The following DPP10 variants were observed in gnomAD, a reference collection of about 807,000 sequenced individuals.
The protein encoded by DPP10 is dipeptidyl peptidase like 10.
In DPP10, 33 loss-of-function variants were observed where a neutral mutation model predicts 120.9. The observed-to-expected ratio is 0.27, with a 90% CI of 0.21 to 0.37. The LOEUF (loss-of-function observed/expected upper bound fraction) is 0.37, where lower values mean the gene tolerates loss of function less well. Among genes scored for constraint, DPP10 ranks in the 10% least tolerant of loss-of-function variants. DPP10 has a pLI of 1.00. For synonymous variants in DPP10, 337 were observed against 326.1 expected (o/e 1.03, Z -0.36); for missense variants, 816 against 942.8 (o/e 0.87, Z 1.76).
chr2:114,878,378 C>A (rs1424769087), intron 1 of DPP10, among the ~76,000 whole-genome samples: 1 of 152,004 alleles, frequency 6.6e-6, no homozygotes, highest in African/African-American at 2.4e-5. Flanking sequence ...ATAATCAAAC[C>A]AGGTATTTAG....
chr2:114,568,015 T>A lies in DPP10; in HGVS notation c.60+125177T>A, dbSNP rs559970742. Among the ~76,000 whole-genome samples, 20 of 140,678 alleles carry A rather than the reference T, an allele frequency of 1.4e-4. 1 individual carries two copies. In the South Asian group the frequency reaches 4.3e-3, roughly 31 times the overall value. 92.3% of individuals were successfully genotyped at this position (140,678 alleles called of 152,430 possible). The stretch of plus-strand genomic sequence containing the variant: ...ACATCCTGCACATGTACCCTGGAAC[T>A]TAAAATTAAAAAAAAAGAGAGAGAG... On this transcript the variant is annotated intron_variant, in intron 1 of 25. Transcript: ENST00000410059.
chr2:115,666,029 T>A (rs538150654), intron 5 of DPP10, among the ~76,000 whole-genome samples: 1 of 152,284 alleles, frequency 6.6e-6, no homozygotes, highest in African/African-American at 2.4e-5. Flanking sequence ...GTAGTTTTTT[T>A]AGTCCTCTCC....
At chr2:114,689,369 A>G (rs112541708) in intron 1 of DPP10, among the ~76,000 whole-genome samples, 2,952 of 151,934 alleles carry the variant, frequency 0.019, 115 homozygotes, top group African/African-American at 0.067. Context: ...TGCTGAGAAT[A>G]ATGGCTTCTA....
chr2:115,528,210 T>G (rs1017462305), intron 5 of DPP10, among the ~76,000 whole-genome samples: 1 of 151,432 alleles, frequency 6.6e-6, no homozygotes, highest in African/African-American at 2.4e-5. Flanking sequence ...GAAAATGTTG[T>G]GGGGTGGGGG....
At chr2:115,018,944 C>T (rs1045407148) in intron 1 of DPP10, among the ~76,000 whole-genome samples, 1 of 151,980 alleles carries the variant, frequency 6.6e-6, no homozygotes, top group Non-Finnish European at 1.5e-5. Flanking sequence ...CCCACTTCTG[C>T]CGCTGGTCTA....
intron 1 of DPP10, among the ~76,000 whole-genome samples, chr2:114,906,394 A>T (rs10191822): frequency 6.6e-6 from 1 of 151,960 alleles, no homozygotes; most frequent in Non-Finnish European, 1.5e-5. Context: ...AAAAAAAAAA[A>T]AAAGAAAAAT....
At chr2:115,229,309 C>T (rs1016391762) in intron 1 of DPP10, among the ~76,000 whole-genome samples, 3 of 152,078 alleles carry the variant, frequency 2.0e-5, no homozygotes, top group East Asian at 1.9e-4. Flanking sequence ...AAAATCTGTT[C>T]CCCCATTCTG....
intron 1 of DPP10, among the ~76,000 whole-genome samples, chr2:114,807,952 A>G (rs544184484): frequency 6.6e-6 from 1 of 152,346 alleles, no homozygotes; most frequent in East Asian, 1.9e-4. Context: ...ACTACAAATC[A>G]GTGTGCCTGC....
chr2:114,785,753 A>G (rs1682713978), intron 1 of DPP10, among the ~76,000 whole-genome samples: 2 of 152,196 alleles, frequency 1.3e-5, no homozygotes, highest in African/African-American at 2.4e-5. Context: ...AAGACTTTGT[A>G]CAATAGATTT....
rs188640433 is a variant in DPP10, at chr2:115,208,755, G to A, written c.61-100484G>A. ...GGCTCTGCAACCACAGTGGCAGGAC[G>A]TCCTGCCCTTCTGGGGAGTTCAAAA... On this transcript the variant is annotated intron_variant, in intron 1 of 25. Coordinates refer to ENST00000410059, the MANE Select transcript of DPP10 (RefSeq NM_020868.6). Among the ~76,000 whole-genome samples, 25 of 152,212 alleles carry A rather than the reference G, an allele frequency of 1.6e-4. No homozygotes were observed. The East Asian group carries it at 3.9e-3, about 24-fold the overall frequency.
intron 1 of DPP10, among the ~76,000 whole-genome samples, chr2:114,963,547 T>C (rs1050286215): frequency 4.6e-5 from 7 of 152,228 alleles, no homozygotes; most frequent in Non-Finnish European, 7.3e-5. Flanking sequence ...CATCATGTTA[T>C]AGATTCCCTT....
chr2:114,850,969 G>A (rs1688904336), intron 1 of DPP10, among the ~76,000 whole-genome samples: 1 of 151,976 alleles, frequency 6.6e-6, no homozygotes, highest in African/African-American at 2.4e-5. Context: ...TGTAGGAAAG[G>A]AATTTACACC....
chr2:115,471,502 C>G (rs1174154002), intron 3 of DPP10, among the ~76,000 whole-genome samples: 1 of 152,158 alleles, frequency 6.6e-6, no homozygotes, highest in Non-Finnish European at 1.5e-5. Context: ...CCACCGGCTT[C>G]TGAGAGGTTC....
intron 1 of DPP10, among the ~76,000 whole-genome samples, chr2:115,105,290 G>A (rs1353257389): frequency 6.6e-6 from 1 of 152,144 alleles, no homozygotes; most frequent in Non-Finnish European, 1.5e-5. Flanking sequence ...AATTTATAAA[G>A]GAAAGAGGCT....
At chr2:114,498,580 G>A (rs1573498668) in intron 1 of DPP10, among the ~76,000 whole-genome samples, 1 of 152,196 alleles carries the variant, frequency 6.6e-6, no homozygotes, top group Non-Finnish European at 1.5e-5. Flanking sequence ...TATCGGGTTG[G>A]CCTGGGGAGG....
At chr2:114,946,167 G>T (rs1213434704) in intron 1 of DPP10, among the ~76,000 whole-genome samples, 1 of 152,164 alleles carries the variant, frequency 6.6e-6, no homozygotes, top group Non-Finnish European at 1.5e-5. Context: ...AAGAAAATCA[G>T]CGTAAAGTAT....
At chr2:114,767,219 A>C (rs1168896430) in intron 1 of DPP10, among the ~76,000 whole-genome samples, 1 of 147,194 alleles carries the variant, frequency 6.8e-6, no homozygotes, top group Non-Finnish European at 1.5e-5. Context: ...AAAAAAAAAA[A>C]AAAAAAAAAA....
rs1039999268 is a variant in DPP10, at chr2:115,769,176, C to T, written c.1221+772C>T. 2.0e-5 allele frequency among the ~76,000 whole-genome samples: 3 copies of T among 152,014 alleles called. No individual in the cohort carries two copies. In the East Asian group the frequency reaches 5.8e-4, roughly 29 times the overall value. ...ATAATAAATAATCTAGTCTCACACA[C>T]AGGTTAAAGGCTTTCTAATGAAAAG... On this transcript the variant is annotated intron_variant, in intron 13 of 25. Coordinates refer to ENST00000410059, the MANE Select transcript of DPP10 (RefSeq NM_020868.6).
At chr2:114,642,239 T>G (rs1320100649) in intron 1 of DPP10, among the ~76,000 whole-genome samples, 5 of 151,920 alleles carry the variant, frequency 3.3e-5, no homozygotes, top group Non-Finnish European at 7.4e-5. Flanking sequence ...GATGGCCACA[T>G]TTTTGTCATT....
Sources: allele counts gnomAD v4.1 joint callset (sites outside exome capture counted in the v4.1 genomes callset), GRCh38; gene constraint gnomAD v4.1.1; transcripts MANE v1.5; gene names NCBI Gene and HGNC (gene_info 2026-07-23, HGNC 2026-07-21).